Variants in CLDN16 observed in about 807,000 individuals in gnomAD.
CLDN16 encodes the protein claudin 16, also known as claudin-16.
CLDN16 carries 13 observed loss-of-function variants against 24.6 expected under a neutral mutation model. The observed-to-expected ratio is 0.53, with a 90% CI of 0.34 to 0.84. The LOEUF (loss-of-function observed/expected upper bound fraction) is 0.84, where lower values mean the gene tolerates loss of function less well. CLDN16 is among the 40% of genes least tolerant of loss of function. The pLI is 0.01. For missense variants in CLDN16, 298 were observed against 292.7 expected (o/e 1.02, Z -0.13); for synonymous variants, 116 against 106.7 (o/e 1.09, Z -0.54).
At chr3:190,350,118 C>T (rs898132095) in intron 1 of CLDN16, among the ~76,000 whole-genome samples, 6 of 152,066 alleles carry the variant, frequency 3.9e-5, no homozygotes, top group Admixed American at 3.3e-4. Context: ...AACCATCTCC[C>T]TCCCACATCT....
chr3:190,386,614 C>T (rs561096036), upstream of CLDN16, among the ~76,000 whole-genome samples: 1 of 152,208 alleles, frequency 6.6e-6, no homozygotes, highest in African/African-American at 2.4e-5. Context: ...TTCAATTTAC[C>T]ACTGATGAAT....
At chr3:190,342,223 A>G (rs1031993761) in intron 1 of CLDN16, among the ~76,000 whole-genome samples, 1 of 152,122 alleles carries the variant, frequency 6.6e-6, no homozygotes, top group Non-Finnish European at 1.5e-5. Context: ...GTTCATTTTC[A>G]TGCTGCTGAT....
At chr3:190,373,905 T>C (rs954133762) in intron 2 of CLDN16, among the ~76,000 whole-genome samples, 1 of 151,554 alleles carries the variant, frequency 6.6e-6, no homozygotes, top group Admixed American at 6.6e-5. Context: ...ACCTGAGAGA[T>C]CCTTATACAT....
intron 1 of CLDN16, among the ~76,000 whole-genome samples, chr3:190,398,349 ATCCGTTCTTAGCCTCT>A (rs1179892079): frequency 6.6e-6 from 1 of 152,194 alleles, no homozygotes; most frequent in African/African-American, 2.4e-5. Flanking sequence ...TTCTGGAAGA[ATCCGTTCTTAGCCTCT>A]TCCAGCTTCT....
intron 1 of CLDN16, among the ~76,000 whole-genome samples, chr3:190,392,059 C>CTTTTTTTTTTTTTTTTTTTT (rs35220103): frequency 8.7e-5 from 11 of 126,086 alleles, no homozygotes; most frequent in African/African-American, 1.1e-4. Context: ...CCTTTTCAGT[C>CTTTTTTTTTTTTTTTTTTTT]TTTTTTTTTT....
the CLDN16 span, among the ~76,000 whole-genome samples, chr3:190,297,192 A>G: frequency 6.6e-6 from 1 of 152,002 alleles, no homozygotes; most frequent in African/African-American, 2.4e-5. Flanking sequence ...ATGAAGAACT[A>G]AAATAGCAAA....
chr3:190,313,119 G>A, the CLDN16 span: 2 of 1,510,474 alleles, frequency 1.3e-6, no homozygotes, highest in African/African-American at 1.4e-5. Flanking sequence ...ATATGTCACT[G>A]TTGTATGGAA....
chr3:190,341,680 T>C (rs111602157), intron 1 of CLDN16, among the ~76,000 whole-genome samples: 5,949 of 152,286 alleles, frequency 0.039, 382 homozygotes, highest in African/African-American at 0.13. Context: ...CAAATTTCTA[T>C]AGCCGGCTTG....
intron 1 of CLDN16, among the ~76,000 whole-genome samples, chr3:190,349,624 C>T (rs770110462): frequency 6.6e-6 from 1 of 152,146 alleles, no homozygotes; most frequent in Middle Eastern, 3.2e-3. Flanking sequence ...TGTTTCCCAA[C>T]CGTTGACTTG....
At chr3:190,337,870 G>A (rs1717346391) in intron 1 of CLDN16, among the ~76,000 whole-genome samples, 1 of 152,122 alleles carries the variant, frequency 6.6e-6, no homozygotes, top group South Asian at 2.1e-4. Flanking sequence ...CCTGGTAGTG[G>A]GAACATGGCA....
intron 1 of CLDN16, among the ~76,000 whole-genome samples, chr3:190,365,903 G>T (rs1033590265): frequency 6.6e-6 from 1 of 151,896 alleles, no homozygotes. Flanking sequence ...GTTCGAGTGG[G>T]TATATGTTGC....
At chr3:190,306,883 G>A in the CLDN16 span, 1 of 152,710 alleles carries the variant, frequency 6.5e-6, no homozygotes, top group Non-Finnish European at 1.5e-5. Context: ...GTAGAGAGAG[G>A]AAGGCACTGA....
At chr3:190,353,917 C>T (rs1356401023) in intron 1 of CLDN16, among the ~76,000 whole-genome samples, 1 of 151,974 alleles carries the variant, frequency 6.6e-6, no homozygotes, top group Admixed American at 6.6e-5. Flanking sequence ...TTGTTCGCTC[C>T]CAATTCTGAG....
intron 1 of CLDN16, among the ~76,000 whole-genome samples, chr3:190,392,574 A>G (rs943747152): frequency 6.6e-5 from 10 of 152,268 alleles, no homozygotes; most frequent in Middle Eastern, 3.4e-3. Context: ...AGCACACACT[A>G]TGATAATGAA....
chr3:190,333,609 C>CT (rs1717234041), intron 1 of CLDN16, among the ~76,000 whole-genome samples: 1 of 151,754 alleles, frequency 6.6e-6, no homozygotes, highest in Admixed American at 6.6e-5. Context: ...ATCTACTGAT[C>CT]TTTCATCTTT....
At chr3:190,340,563 G>A (rs558639292) in intron 1 of CLDN16, among the ~76,000 whole-genome samples, 10 of 152,118 alleles carry the variant, frequency 6.6e-5, no homozygotes, top group African/African-American at 1.4e-4. Flanking sequence ...CCCACAACAC[G>A]TGGGAATCGT....
chr3:190,408,458 G>A lies in CLDN16; in HGVS notation c.527G>A (p.Cys176Tyr). Residue 176 changes from cysteine to tyrosine, a missense_variant, in exon 4 of 5, where the codon TGC becomes TAC. Transcript: ENST00000264734. ...CWLGMAGSLG[C>Y]FLAGAVLTCC... is the part of the protein sequence containing the mutation. ...CTCGGAATGGCTGGGTCTCTGGGTTGCTTTTTGGCTGGAGCTGTTCTCACC... is the reference window on the plus strand; with the variant it reads ...CTCGGAATGGCTGGGTCTCTGGGTTACTTTTTGGCTGGAGCTGTTCTCACC... The A allele has an allele frequency of 1.2e-6, 2 of 1,614,012 alleles. No homozygotes were observed. The highest frequency in any genetic ancestry group is 1.7e-6 in the Non-Finnish European group (2 of 1,180,002).
At chr3:190,373,787 T>C (rs569996080) in intron 2 of CLDN16, among the ~76,000 whole-genome samples, 3 of 151,736 alleles carry the variant, frequency 2.0e-5, no homozygotes, top group Admixed American at 6.6e-5. Flanking sequence ...GTCAATGATG[T>C]AGGAAATATA....
At chr3:190,404,087 A>G (rs1189583867) in intron 2 of CLDN16, among the ~76,000 whole-genome samples, 1 of 152,198 alleles carries the variant, frequency 6.6e-6, no homozygotes, top group African/African-American at 2.4e-5. Context: ...GTAGAGAAAT[A>G]AGTCACGTCT....
Sources: allele counts gnomAD v4.1 joint callset (sites outside exome capture counted in the v4.1 genomes callset), GRCh38; gene constraint gnomAD v4.1.1; transcripts MANE v1.5; gene names NCBI Gene and HGNC (gene_info 2026-07-23, HGNC 2026-07-21).